Variants in PTPRT observed in about 807,000 individuals in gnomAD.
PTPRT encodes protein tyrosine phosphatase receptor type T.
Under a neutral mutation model 176.8 loss-of-function variants are expected in PTPRT, and 56 were observed. That is an observed-to-expected ratio of 0.32 (90% CI 0.26 to 0.40). The LOEUF (loss-of-function observed/expected upper bound fraction) is 0.40. Among genes scored for constraint, PTPRT ranks in the 10% least tolerant of loss-of-function variants. The pLI, the probability that PTPRT is intolerant of heterozygous loss-of-function variation, is 1.00. For missense variants in PTPRT, 1,540 were observed against 1,908.2 expected (o/e 0.81, Z 3.60); for synonymous variants, 783 against 739.0 (o/e 1.06, Z -0.96).
chr20:42,539,432 T>C (rs1422397836), intron 7 of PTPRT, among the ~76,000 whole-genome samples: 2 of 151,692 alleles, frequency 1.3e-5, no homozygotes, highest in Non-Finnish European at 2.9e-5. Context: ...ACCATCACTT[T>C]CTTGATCTCT....
chr20:42,142,251 C>T (rs1010309199), intron 17 of PTPRT, among the ~76,000 whole-genome samples: 3 of 152,036 alleles, frequency 2.0e-5, no homozygotes, highest in African/African-American at 4.8e-5. Flanking sequence ...GTGGGGGAAT[C>T]GCTTGTCCAT....
chr20:43,186,221 T>C (rs2015386515), intron 1 of PTPRT, among the ~76,000 whole-genome samples: 1 of 152,218 alleles, frequency 6.6e-6, no homozygotes, highest in Non-Finnish European at 1.5e-5. Context: ...GGTAAATGAC[T>C]TGCCCAAGCC....
At chr20:42,842,734 A>C (rs1223264760) in intron 2 of PTPRT, among the ~76,000 whole-genome samples, 1 of 152,186 alleles carries the variant, frequency 6.6e-6, no homozygotes, top group Non-Finnish European at 1.5e-5. Context: ...TTTATTGATC[A>C]TAGTTCTTGA....
chr20:42,349,168 A>G (rs894006403), intron 11 of PTPRT, among the ~76,000 whole-genome samples: 8 of 152,202 alleles, frequency 5.3e-5, no homozygotes, highest in African/African-American at 1.9e-4. Context: ...GCCTCCAGTG[A>G]CACAAGGAGT....
intron 1 of PTPRT, among the ~76,000 whole-genome samples, chr20:43,116,405 C>T (rs894466246): frequency 2.6e-5 from 4 of 152,172 alleles, no homozygotes; most frequent in Admixed American, 6.5e-5. Flanking sequence ...CAGTGTTCAC[C>T]AGTGTTATTA....
intron 7 of PTPRT, among the ~76,000 whole-genome samples, chr20:42,609,219 A>G (rs73280529): frequency 0.012 from 1,813 of 152,074 alleles, 41 homozygotes; most frequent in African/African-American, 0.042. Flanking sequence ...TACTACAGAC[A>G]CACATGACCA....
intron 9 of PTPRT, among the ~76,000 whole-genome samples, chr20:42,398,692 G>A (rs1021727732): frequency 6.6e-6 from 1 of 152,030 alleles, no homozygotes; most frequent in Non-Finnish European, 1.5e-5. Context: ...GAGACTCTAT[G>A]TGTAATAATT....
At chr20:42,287,161 T>C (rs1057400032) in intron 12 of PTPRT, among the ~76,000 whole-genome samples, 6 of 151,968 alleles carry the variant, frequency 3.9e-5, no homozygotes, top group African/African-American at 1.4e-4. Context: ...TCAGCCACTA[T>C]GGAGAACAGT....
At chr20:42,436,332 C>T (rs1489891024) in intron 9 of PTPRT, among the ~76,000 whole-genome samples, 1 of 151,902 alleles carries the variant, frequency 6.6e-6, no homozygotes, top group African/African-American at 2.4e-5. Context: ...AAAATATTAT[C>T]AAAAGTATAT....
At chr20:42,867,607 C>A (rs1292440779) in intron 2 of PTPRT, among the ~76,000 whole-genome samples, 2 of 151,412 alleles carry the variant, frequency 1.3e-5, no homozygotes, top group African/African-American at 4.9e-5. Flanking sequence ...ACTGAGCCTG[C>A]TGGCACCTTG....
At chr20:42,962,997 G>A (rs1221002012) in intron 1 of PTPRT, among the ~76,000 whole-genome samples, 6 of 152,074 alleles carry the variant, frequency 3.9e-5, no homozygotes, top group Non-Finnish European at 8.8e-5. Context: ...AGAAGATCGA[G>A]ACCATCCTGG....
intron 7 of PTPRT, among the ~76,000 whole-genome samples, chr20:42,489,404 C>T (rs563916339): frequency 5.9e-5 from 9 of 152,120 alleles, no homozygotes; most frequent in African/African-American, 1.9e-4. Context: ...CCCTGTTGAC[C>T]TATGTGATCA....
chr20:42,279,563 C>T (rs1284251099), intron 13 of PTPRT, among the ~76,000 whole-genome samples: 1 of 152,298 alleles, frequency 6.6e-6, no homozygotes, highest in South Asian at 2.1e-4. Flanking sequence ...ATTTGTAGGA[C>T]TTTGTTACAG....
At chr20:42,423,362 A>G (rs1555847787) in intron 9 of PTPRT, among the ~76,000 whole-genome samples, 2 of 152,060 alleles carry the variant, frequency 1.3e-5, no homozygotes, top group Non-Finnish European at 2.9e-5. Flanking sequence ...CACGTCACCC[A>G]GGGTTAGTGG....
At chr20:42,589,626 A>C (rs2073533736) in intron 7 of PTPRT, among the ~76,000 whole-genome samples, 1 of 152,092 alleles carries the variant, frequency 6.6e-6, no homozygotes. Context: ...ACATGGCTGC[A>C]CACATCCCCC....
At chr20:42,369,379 C>T (rs945389244) in intron 9 of PTPRT, among the ~76,000 whole-genome samples, 1 of 152,174 alleles carries the variant, frequency 6.6e-6, no homozygotes, top group Non-Finnish European at 1.5e-5. Context: ...AGAAGGAACG[C>T]ACTACCTGTC....
At chr20:42,828,507 G>A (rs1050328044) in intron 2 of PTPRT, among the ~76,000 whole-genome samples, 5 of 152,178 alleles carry the variant, frequency 3.3e-5, no homozygotes, top group African/African-American at 9.7e-5. Flanking sequence ...AGACAAGGGG[G>A]AAAATGTCTC....
intron 13 of PTPRT, among the ~76,000 whole-genome samples, chr20:42,259,405 A>G (rs1465400416): frequency 6.6e-6 from 1 of 152,176 alleles, no homozygotes; most frequent in Non-Finnish European, 1.5e-5. Context: ...GTCATTATTG[A>G]CACACCCCTT....
intron 7 of PTPRT, among the ~76,000 whole-genome samples, chr20:42,524,364 T>C (rs2072231333): frequency 6.6e-6 from 1 of 152,206 alleles, no homozygotes; most frequent in Non-Finnish European, 1.5e-5. Context: ...TCTTAGGTTT[T>C]GTTTATTACA....
Sources: gnomAD v4.1 joint callset for allele counts (sites outside exome capture counted in the v4.1 genomes callset) on GRCh38, gnomAD v4.1.1 for gene constraint, MANE v1.5 for transcripts, NCBI Gene and HGNC (gene_info 2026-07-23, HGNC 2026-07-21) for gene names.